Variants in VAC14 observed in about 807,000 individuals in gnomAD.
VAC14 encodes protein VAC14 homolog.
In VAC14, 47 loss-of-function variants were observed where a neutral mutation model predicts 85.3. The ratio of observed to expected loss-of-function variants is 0.55; its 90% CI spans 0.44 to 0.70. The LOEUF (loss-of-function observed/expected upper bound fraction) is 0.70. Among genes scored for constraint, VAC14 ranks in the 30% least tolerant of loss-of-function variants. The pLI is 0.00. For missense variants in VAC14, 861 were observed against 1,004.3 expected (o/e 0.86, Z 1.93); for synonymous variants, 447 against 430.5 (o/e 1.04, Z -0.47).
In VAC14 at chr16:70,735,044, G is replaced by C. The variant is rs561327647; in HGVS notation, c.1529-3417C>G. ...AGGTGGTGCCTTGCTATGCAGGAGG[G>C]CAGAAGATGGCATAAAGACGGAAAC... On this transcript the variant is annotated intron_variant, in intron 13 of 18. Coordinates refer to ENST00000261776, the MANE Select transcript of VAC14 (RefSeq NM_018052.5). Among the ~76,000 whole-genome samples the C allele has an allele frequency of 2.6e-5, 4 of 152,200 alleles. No individual in the cohort carries two copies. In the East Asian group the frequency reaches 7.7e-4, roughly 29 times the overall value.
chr16:70,742,881 G>A (rs114788106), intron 13 of VAC14, among the ~76,000 whole-genome samples: 1,677 of 152,352 alleles, frequency 0.011, 29 homozygotes, highest in African/African-American at 0.039. Flanking sequence ...GGACTTCCTC[G>A]GTCTAGTGGG....
intron 9 of VAC14, among the ~76,000 whole-genome samples, chr16:70,773,904 T>C (rs200864829): frequency 2.0e-5 from 3 of 151,998 alleles, no homozygotes; most frequent in Non-Finnish European, 4.4e-5. Flanking sequence ...TAGCTGGGAC[T>C]ATAGGCACGT....
chr16:70,763,921 C>T (rs764093078), intron 10 of VAC14, among the ~76,000 whole-genome samples: 3 of 152,136 alleles, frequency 2.0e-5, no homozygotes, highest in African/African-American at 7.2e-5. Context: ...AGAAAAACCT[C>T]GGGATATTGG....
At chr16:70,748,699 C>T (rs1277098156) in intron 12 of VAC14, among the ~76,000 whole-genome samples, 1 of 152,206 alleles carries the variant, frequency 6.6e-6, no homozygotes, top group Non-Finnish European at 1.5e-5. Flanking sequence ...GTAATCCCAG[C>T]ACTTTGGGAG....
chr16:70,691,217 C>T lies in VAC14; in HGVS notation c.2186+1604G>A, dbSNP rs113929080. Reference sequence around the variant, plus strand: ...CTGAGCCTCTGCTCCCCTCCCAAGACGAGGAGATCAGCACTCGGAGACCCG... The same window carrying T: ...CTGAGCCTCTGCTCCCCTCCCAAGATGAGGAGATCAGCACTCGGAGACCCG... On this transcript the variant is annotated intron_variant, in intron 18 of 18. Transcript: ENST00000261776. 1,145 of 985,464 alleles carry T rather than the reference C, an allele frequency of 1.2e-3. 11 individuals carry two copies. The African/African-American group carries it at 0.018, about 16-fold the overall frequency. 61.0% of individuals were successfully genotyped at this position (985,464 alleles called of 1,614,324 possible).
intron 14 of VAC14, 27 bp downstream of exon 14, chr16:70,731,468 A>G: frequency 6.2e-7 from 1 of 1,602,226 alleles, no homozygotes; most frequent in Non-Finnish European, 8.5e-7. Context: ...TGGGAGGAAG[A>G]GGAGAAAGCG....
chr16:70,731,481 C>T lies in VAC14; in HGVS notation c.1661+14G>A, dbSNP rs2054589614. On this transcript the variant is annotated intron_variant, in intron 14 of 18. Coordinates refer to ENST00000261776, the MANE Select transcript of VAC14 (RefSeq NM_018052.5). ...CGTGGGAGGAAGAGGAGAAAGCGCG[C>T]CGCCAAGGCTGACCTGATGATGAAA... The T allele has an allele frequency of 6.2e-7, 1 of 1,610,004 alleles. No individual in the cohort carries two copies. The highest frequency in any genetic ancestry group is 2.2e-5 in the East Asian group (1 of 44,862).
At chr16:70,696,843 C>G in intron 16 of VAC14, 1 of 356,960 alleles carries the variant, frequency 2.8e-6, no homozygotes, top group African/African-American at 2.1e-5. Context: ...GATGGTCCAG[C>G]ATCACCCGCT....
intron 10 of VAC14, chr16:70,770,568 C>T (rs2033145768): frequency 6.6e-6 from 1 of 152,246 alleles, no homozygotes. Flanking sequence ...TATTCCCAGC[C>T]AGTCTTCTCA....
At chr16:70,702,272 C>T (rs566452728) in intron 14 of VAC14, among the ~76,000 whole-genome samples, 7 of 152,326 alleles carry the variant, frequency 4.6e-5, no homozygotes, top group Non-Finnish European at 2.9e-5. Flanking sequence ...TCTTGCTGGC[C>T]GAAGAGGCCT....
At chr16:70,797,045 T>C (rs2034575769) in intron 1 of VAC14, among the ~76,000 whole-genome samples, 1 of 152,088 alleles carries the variant, frequency 6.6e-6, no homozygotes, top group African/African-American at 2.4e-5. Flanking sequence ...CTGGGCAACA[T>C]AGTGAGACCC....
intron 14 of VAC14, among the ~76,000 whole-genome samples, chr16:70,731,022 C>T (rs1187951773): frequency 6.6e-6 from 1 of 152,206 alleles, no homozygotes; most frequent in Non-Finnish European, 1.5e-5. Context: ...CTGGTGATGA[C>T]AGTTCTAGAT....
At chr16:70,753,733 T>A (rs1457815524) in intron 12 of VAC14, among the ~76,000 whole-genome samples, 1 of 152,142 alleles carries the variant, frequency 6.6e-6, no homozygotes, top group African/African-American at 2.4e-5. Context: ...AGCAGCTGGA[T>A]TTTAAAAGCT....
intron 18 of VAC14, chr16:70,688,616 C>T (rs892380829): frequency 1.0e-6 from 1 of 985,624 alleles, no homozygotes; most frequent in Non-Finnish European, 1.2e-6. Flanking sequence ...CAGTCACTCA[C>T]TGTCCCTGGG....
At chr16:70,771,227 G>A (rs1273260694) in intron 10 of VAC14, 1 of 152,224 alleles carries the variant, frequency 6.6e-6, no homozygotes, top group African/African-American at 2.4e-5. Flanking sequence ...GGAGCCCCAA[G>A]GAAGAGAATT....
chr16:70,780,883 C>T lies in VAC14; in HGVS notation c.1003G>A (p.Glu335Lys), dbSNP rs1232677301. ...NQSLMKLVTPEDDELDELRPG... is the reference protein window; with the variant it reads ...NQSLMKLVTPKDDELDELRPG... ...CTCAGCTCATCCAGCTCGTCGTCCT[C>T]GGGGGTGACCAGCTTCATCAGGCTC... Residue 335 changes from glutamate (E) to lysine (K), a missense_variant, in exon 9 of 19, where the codon GAG becomes AAG. Physicochemically the swap from Glu to Lys is moderately conservative, Grantham distance 56 (BLOSUM62 1). Around this residue, in one of 3 missense-constraint regions of VAC14, gnomAD observed 629 missense variants for 703.1 expected, o/e 0.89. Coordinates refer to ENST00000261776, the MANE Select transcript of VAC14 (RefSeq NM_018052.5). 5 of 1,614,052 alleles carry T rather than the reference C, an allele frequency of 3.1e-6. No homozygotes were observed. Among genetic ancestry groups the T allele is most frequent in the East Asian group, 2.2e-5 (1 of 44,894 alleles).
chr16:70,702,709 C>T (rs992060692), intron 14 of VAC14, among the ~76,000 whole-genome samples: 2 of 152,226 alleles, frequency 1.3e-5, no homozygotes, highest in East Asian at 1.9e-4. Flanking sequence ...GCCCTTACTA[C>T]AGGCAAGGCT....
intron 13 of VAC14, among the ~76,000 whole-genome samples, chr16:70,739,324 G>T (rs1489095368): frequency 3.9e-5 from 6 of 152,330 alleles, no homozygotes; most frequent in Admixed American, 3.9e-4. Context: ...GGCTTCAAGA[G>T]AAACAGGTGC....
intron 14 of VAC14, among the ~76,000 whole-genome samples, chr16:70,702,308 T>G (rs1219388394): frequency 6.6e-6 from 1 of 152,160 alleles, no homozygotes; most frequent in Non-Finnish European, 1.5e-5. Flanking sequence ...CCCAGGAGAC[T>G]CTGGAGCACA....
Sources: gnomAD v4.1 joint callset for allele counts (sites outside exome capture counted in the v4.1 genomes callset) on GRCh38, gnomAD v4.1.1 for gene constraint, gnomAD v4.1.1 regional missense constraint, MANE v1.5 for transcripts, NCBI Gene and HGNC (gene_info 2026-07-23, HGNC 2026-07-21) for gene names.